RXFP1: variants seen among roughly 807,000 people sequenced by gnomAD.
RXFP1 encodes the protein relaxin receptor 1.
Under a neutral mutation model 89.8 loss-of-function variants are expected in RXFP1, and 73 were observed. The ratio of observed to expected loss-of-function variants is 0.81; its 90% CI spans 0.67 to 0.99. The LOEUF is 0.99. Ranked by LOEUF, RXFP1 falls within the 50% of genes least tolerant of loss-of-function variation. The pLI, the probability that RXFP1 is intolerant of heterozygous loss-of-function variation, is 0.00. For missense variants in RXFP1, 793 were observed against 895.5 expected, an observed-to-expected ratio of 0.89 and a Z score of 1.46; for synonymous variants, 277 against 305.5, an observed-to-expected ratio of 0.91 and a Z score of 0.97.
At chr4:158,608,899 T>G (rs1462973071) in intron 6 of RXFP1, among the ~76,000 whole-genome samples, 1 of 152,278 alleles carries the variant, frequency 6.6e-6, no homozygotes, top group Non-Finnish European at 1.5e-5. Flanking sequence ...ATATGTAGTT[T>G]TTTGTGTCTG....
Position 158,566,973 on chromosome 4 carries a change from G to A in RXFP1, c.50-5725G>A, listed in dbSNP as rs149564217. Among the ~76,000 whole-genome samples the A allele has an allele frequency of 8.3e-3, 1,263 of 152,324 alleles. 27 individuals carry two copies. The highest frequency in any genetic ancestry group is 0.028 in the African/African-American group (1,154 of 41,590). On this transcript the variant is annotated intron_variant, in intron 1 of 17. Transcript: ENST00000307765. The stretch of plus-strand genomic sequence containing the variant: ...AGGGGCAGGCAGGAACCAGGGCTGC[G>A]TGCAGCGCTTGCAGGCCAGCGCCAG...
chr4:158,645,754 TC>T (rs1771412111), intron 15 of RXFP1, among the ~76,000 whole-genome samples: 1 of 152,194 alleles, frequency 6.6e-6, no homozygotes, highest in Non-Finnish European at 1.5e-5. Flanking sequence ...CTAGAATTTA[TC>T]CATGCTCCCT....
At chr4:158,605,720 C>T (rs138986331) in intron 5 of RXFP1, among the ~76,000 whole-genome samples, 5 of 152,174 alleles carry the variant, frequency 3.3e-5, no homozygotes, top group East Asian at 3.9e-4. Context: ...TACTGGCCCA[C>T]GGGATGTTTA....
At chr4:158,525,223 G>GT (rs907578455) in intron 1 of RXFP1, among the ~76,000 whole-genome samples, 15 of 151,560 alleles carry the variant, frequency 9.9e-5, no homozygotes, top group Admixed American at 5.9e-4. Context: ...CTTTGGCGGG[G>GT]GGGGGTTGGG....
chr4:158,542,093 ATATATATATATATATAT>A (rs1317893693), intron 1 of RXFP1, among the ~76,000 whole-genome samples: 2 of 37,666 alleles, frequency 5.3e-5, no homozygotes, highest in African/African-American at 1.5e-4. Context: ...ATATATATAT[ATATATATATATATATAT>A]TTTTTTTTTA....
intron 8 of RXFP1, among the ~76,000 whole-genome samples, chr4:158,614,643 G>A (rs1259542941): frequency 6.6e-6 from 1 of 152,192 alleles, no homozygotes; most frequent in Non-Finnish European, 1.5e-5. Context: ...TGGCTTAAAG[G>A]AATGATGTGG....
chr4:158,630,857 G>T (rs928447150), intron 11 of RXFP1, among the ~76,000 whole-genome samples: 1 of 152,260 alleles, frequency 6.6e-6, no homozygotes. Flanking sequence ...GCCCCTCCAG[G>T]CTCCATCACA....
At chr4:158,547,297 G>A (rs1475888032) in intron 1 of RXFP1, among the ~76,000 whole-genome samples, 1 of 151,656 alleles carries the variant, frequency 6.6e-6, no homozygotes, top group African/African-American at 2.4e-5. Flanking sequence ...GTGGTGATAT[G>A]CCCTTTATCA....
intron 12 of RXFP1, among the ~76,000 whole-genome samples, chr4:158,633,776 T>C (rs962150837): frequency 6.6e-6 from 1 of 152,214 alleles, no homozygotes; most frequent in Non-Finnish European, 1.5e-5. Flanking sequence ...AGAAGTAAAA[T>C]CATGGAATAT....
chr4:158,550,811 C>A (rs1200156188), intron 1 of RXFP1, among the ~76,000 whole-genome samples: 1 of 152,164 alleles, frequency 6.6e-6, no homozygotes. Flanking sequence ...CCACCACTTA[C>A]TGGTTCCATG....
At chr4:158,648,433 T>C in intron 16 of RXFP1, 66 bp from the exon 17 acceptor site, 1 of 954,820 alleles carries the variant, frequency 1.0e-6, no homozygotes, top group Non-Finnish European at 1.5e-6. Flanking sequence ...AAATGTTTTA[T>C]TTATGTTTGT....
upstream of RXFP1, chr4:158,521,760 C>T (rs908325562): frequency 2.1e-5 from 11 of 514,496 alleles, no homozygotes; most frequent in Admixed American, 3.8e-5. Flanking sequence ...AGAAGGAGGG[C>T]GGGGAGGAGA....
chr4:158,538,816 A>C, intron 1 of RXFP1, among the ~76,000 whole-genome samples: 1 of 152,128 alleles, frequency 6.6e-6, no homozygotes, highest in African/African-American at 2.4e-5. Context: ...AAAAAAAAAA[A>C]AAAAAAGAAT....
chr4:158,604,091 A>G (rs1185816071), intron 4 of RXFP1, among the ~76,000 whole-genome samples: 1 of 151,908 alleles, frequency 6.6e-6, no homozygotes, highest in African/African-American at 2.4e-5. Context: ...TGTTCCAAAG[A>G]GTCCAAGAAA....
chr4:158,647,971 T>A (rs531901477), intron 16 of RXFP1, among the ~76,000 whole-genome samples: 5 of 149,724 alleles, frequency 3.3e-5, no homozygotes, highest in Non-Finnish European at 5.9e-5. Context: ...GGCAAGATAG[T>A]GCCACTGCAC....
intron 4 of RXFP1, among the ~76,000 whole-genome samples, chr4:158,600,167 T>C (rs923721329): frequency 2.6e-5 from 4 of 152,230 alleles, no homozygotes; most frequent in Non-Finnish European, 4.4e-5. Context: ...TTCATTTAGA[T>C]ACCTTAGTGC....
At chr4:158,608,712 A>G (rs558269750) in intron 6 of RXFP1, among the ~76,000 whole-genome samples, 5 of 152,288 alleles carry the variant, frequency 3.3e-5, no homozygotes, top group Admixed American at 3.3e-4. Flanking sequence ...CATCATCACC[A>G]TCCACCTCCA....
At position 158,639,285 on chromosome 4, in the gene RXFP1, A is replaced by G. The variant is rs369234753; in HGVS notation, c.1069A>G (p.Asn357Asp). ...SLSLEGIEISNIQQRMFRPLM... is the reference protein window; with the variant it reads ...SLSLEGIEISDIQQRMFRPLM... ...CAGCCTAGAAGGGATTGAAATTTCA[A>G]ATATCCAACAAAGGATGTTTAGACC... The change falls in exon 14 of 18, where the codon AAT becomes GAT. Residue 357 changes from asparagine (N) to aspartate (D), a missense_variant. By Grantham distance (23) the Asn-to-Asp change is conservative. Coordinates refer to ENST00000307765, the MANE Select transcript of RXFP1 (RefSeq NM_021634.4). 1.0e-5 allele frequency: 16 copies of G among 1,570,448 alleles called. No individual in the cohort carries two copies. The African/African-American group carries it at 1.6e-4, about 16-fold the overall frequency.
At chr4:158,542,107 A>T (rs369272323) in intron 1 of RXFP1, among the ~76,000 whole-genome samples, 13,758 of 28,128 alleles carry the variant, frequency 0.49, 2,631 homozygotes, top group Non-Finnish European at 0.6. Context: ...ATATATATAT[A>T]TATTTTTTTT....
Sources: gnomAD v4.1 joint callset for allele counts (sites outside exome capture counted in the v4.1 genomes callset) on GRCh38, gnomAD v4.1.1 for gene constraint, MANE v1.5 for transcripts, NCBI Gene and HGNC (gene_info 2026-07-23, HGNC 2026-07-21) for gene names.